Variants in SMS observed in about 807,000 individuals in gnomAD.
SMS encodes spermidine aminopropyltransferase.
SMS carries 3 observed loss-of-function variants against 33.0 expected under a neutral mutation model. The ratio of observed to expected loss-of-function variants is 0.09; its 90% CI spans 0.04 to 0.23. The LOEUF (loss-of-function observed/expected upper bound fraction) is 0.23, where lower values mean the gene tolerates loss of function less well. Ranked by LOEUF, SMS falls within the 10% of genes least tolerant of loss-of-function variation. SMS has a pLI of 1.00. For synonymous variants in SMS, 103 were observed against 112.2 expected (o/e 0.92, Z 0.52); for missense variants, 117 against 288.6 (o/e 0.41, Z 4.31).
chrX:21,957,794 A>C, intron 1 of SMS, among the ~76,000 whole-genome samples: 1 of 111,515 alleles, frequency 9.0e-6, no homozygotes, highest in African/African-American at 3.3e-5. Context: ...TGACTTTTTA[A>C]TTGTAGTCAT....
chrX:21,968,922 A>G (rs1274335358), intron 2 of SMS, among the ~76,000 whole-genome samples: 1 of 112,003 alleles, frequency 8.9e-6, no homozygotes, highest in Non-Finnish European at 1.9e-5. Context: ...CTATGGAAAT[A>G]AAAATTAAAA....
Position 21,965,783 on chromosome X carries a change from TA to T in SMS, c.50-1404del, listed in dbSNP as rs919699797. On this transcript the variant is annotated intron_variant, in intron 1 of 10. Transcript: ENST00000404933. Reference sequence around the variant, plus strand: ...AAAATAAAATAAAATAATAAATAAATAAAAAAAAACAAATAAATAAAAATTA... The same window carrying T: ...AAAATAAAATAAAATAATAAATAAATAAAAAAAACAAATAAATAAAAATTA... 6.0e-4 allele frequency among the ~76,000 whole-genome samples: 63 copies of T among 105,869 alleles called. 1 individual carries two copies. The highest frequency in any genetic ancestry group is 2.3e-3 in the Admixed American group (23 of 9,824). 91.9% of individuals were successfully genotyped at this position (105,869 alleles called of 115,157 possible). A position where few individuals can be genotyped will look rare whatever the true frequency, so the allele number is the denominator to read the frequency against.
intron 1 of SMS, among the ~76,000 whole-genome samples, chrX:21,963,391 A>T (rs1923492891): frequency 8.9e-6 from 1 of 112,282 alleles, no homozygotes; most frequent in Non-Finnish European, 1.9e-5. Flanking sequence ...CGCACAAATG[A>T]ATAGGGCTTG....
chrX:21,945,646 CCCCCT>C lies in SMS; in HGVS notation c.49+4774_49+4778del, dbSNP rs2147485919. Among the ~76,000 whole-genome samples the C allele has an allele frequency of 3.8e-5, 3 of 78,715 alleles. No individual in the cohort carries two copies. In the South Asian group the frequency reaches 3.7e-3, roughly 96 times the overall value. The allele number at this position is 78,715 out of a possible 115,157, so 68.4% of individuals were successfully genotyped here. On this transcript the variant is annotated intron_variant, in intron 1 of 10. Transcript: ENST00000404933. ...GCTTTGCTTCCCGTCCCCCCCCCCACCCCCTACAGTCTCGCTCTGTCGCCCAGAGC... is the reference window on the plus strand; with the variant it reads ...GCTTTGCTTCCCGTCCCCCCCCCCACACAGTCTCGCTCTGTCGCCCAGAGC...
intron 1 of SMS, among the ~76,000 whole-genome samples, chrX:21,964,248 T>G (rs1199715804): frequency 9.0e-6 from 1 of 111,380 alleles, no homozygotes; most frequent in Non-Finnish European, 1.9e-5. Context: ...AGCTTAAGGA[T>G]TCATTGGGCC....
At chrX:21,989,864 T>G (rs770094766) in intron 9 of SMS, among the ~76,000 whole-genome samples, 85 of 110,930 alleles carry the variant, frequency 7.7e-4, no homozygotes, top group African/African-American at 2.6e-3. Context: ...TGCCTCAGCC[T>G]TCCGAGTAGC....
intron 7 of SMS, among the ~76,000 whole-genome samples, chrX:21,982,220 C>T (rs1045021985): frequency 7.4e-5 from 8 of 107,564 alleles, no homozygotes. Context: ...CACCTGTAGT[C>T]TCAGCTACTC....
rs761129868 is a variant in SMS, at chrX:21,967,215, A to G, written c.69A>G (p.Leu23=). The part of the protein sequence containing the change: ...LGAKADGETI[L]KGLQSIFQEQ... ...CTCCAGCTGATGGTGAGACCATTCT[A>G]AAAGGCCTCCAGTCCATTTTCCAGG... is the stretch of plus-strand genomic sequence containing the variant. Residue 23 remains leucine (L), a synonymous_variant, in exon 2 of 11, where the codon CTA becomes CTG. Transcript: ENST00000404933. 2 of 1,208,518 alleles carry G rather than the reference A, an allele frequency of 1.7e-6. No individual in the cohort carries two copies. Among genetic ancestry groups the G allele is most frequent in the South Asian group, 1.8e-5 (1 of 56,877 alleles).
intron 9 of SMS, among the ~76,000 whole-genome samples, chrX:21,989,742 TG>T (rs982471778): frequency 1.8e-5 from 2 of 111,171 alleles, no homozygotes; most frequent in Non-Finnish European, 3.8e-5. Flanking sequence ...AACTTTTTTT[TG>T]TTGTTGTTGT....
intron 9 of SMS, among the ~76,000 whole-genome samples, chrX:21,987,073 G>A (rs1482891574): frequency 5.1e-5 from 5 of 97,985 alleles, no homozygotes; most frequent in East Asian, 3.4e-4. Flanking sequence ...TCAGCTCACC[G>A]CAACCTCCAC....
At chrX:21,959,402 C>T (rs1179746790) in intron 1 of SMS, among the ~76,000 whole-genome samples, 1 of 112,098 alleles carries the variant, frequency 8.9e-6, no homozygotes, top group Non-Finnish European at 1.9e-5. Context: ...AGAAGATGCT[C>T]TCAGACCCTT....
intron 1 of SMS, among the ~76,000 whole-genome samples, chrX:21,966,778 C>T (rs1357655683): frequency 9.0e-6 from 1 of 111,731 alleles, no homozygotes; most frequent in Non-Finnish European, 1.9e-5. Context: ...TACCATGTGT[C>T]CTCATTAATT....
At chrX:21,973,814 CG>C (rs1250957511) in intron 4 of SMS, among the ~76,000 whole-genome samples, 1 of 113,289 alleles carries the variant, frequency 8.8e-6, no homozygotes, top group Non-Finnish European at 1.9e-5. Flanking sequence ...AGTACAACTA[CG>C]GAACATTTTC....
At chrX:21,977,822 G>T in intron 5 of SMS, 138 bp from the exon 6 acceptor site, 1 of 626,905 alleles carries the variant, frequency 1.6e-6, no homozygotes, top group South Asian at 2.4e-5. Context: ...AAAAAAGCTT[G>T]CAAATTGTTC....
intron 1 of SMS, among the ~76,000 whole-genome samples, chrX:21,961,606 T>C (rs776054356): frequency 2.7e-5 from 3 of 110,240 alleles, no homozygotes; most frequent in Non-Finnish European, 5.7e-5. Flanking sequence ...AGGCCTTGAT[T>C]CTTTTTTTTC....
At position 21,978,225 on chromosome X, in the gene SMS, C is replaced by G. The variant is rs1376189042; in HGVS notation, c.660+111C>G. On this transcript the variant is annotated intron_variant, in intron 6 of 10. Coordinates refer to ENST00000404933, the MANE Select transcript of SMS (RefSeq NM_004595.5). The stretch of plus-strand genomic sequence containing the variant: ...CACAGACTAGAGGCAAATGTGTTAC[C>G]TAGACTGCCTTGAACAGACAATTTA... 18 of 743,617 alleles carry G rather than the reference C, an allele frequency of 2.4e-5. No homozygotes were observed. The East Asian group carries it at 5.9e-4, about 24-fold the overall frequency. The allele number at this position is 743,617 out of a possible 1,213,427, so 61.3% of individuals were successfully genotyped here. A position where few individuals can be genotyped will look rare whatever the true frequency, so the allele number is the denominator to read the frequency against.
At chrX:21,942,057 GC>G (rs1378419269) in intron 1 of SMS, among the ~76,000 whole-genome samples, 1 of 108,892 alleles carries the variant, frequency 9.2e-6, no homozygotes, top group African/African-American at 3.4e-5. Context: ...GGATAGAACT[GC>G]CCTTTCTTTT....
intron 7 of SMS, among the ~76,000 whole-genome samples, chrX:21,981,286 C>T (rs113285109): frequency 9.2e-6 from 1 of 108,697 alleles, no homozygotes; most frequent in African/African-American, 3.4e-5. Flanking sequence ...CACCACTGCA[C>T]TCCAGCCTGG....
chrX:21,987,293 A>T (rs1226400275), intron 9 of SMS, among the ~76,000 whole-genome samples: 1 of 111,816 alleles, frequency 8.9e-6, no homozygotes, highest in Non-Finnish European at 1.9e-5. Flanking sequence ...CACTGCGCCC[A>T]GCCATGATGG....
Sources: allele counts gnomAD v4.1 joint callset (sites outside exome capture counted in the v4.1 genomes callset), GRCh38; gene constraint gnomAD v4.1.1; transcripts MANE v1.5; gene names NCBI Gene and HGNC (gene_info 2026-07-23, HGNC 2026-07-21).